Variants in MYO16 observed in about 807,000 individuals in gnomAD.
MYO16 encodes the protein myosin XVI, also known as unconventional myosin-XVI.
MYO16 carries 94 observed loss-of-function variants against 205.3 expected under a neutral mutation model. That is an observed-to-expected ratio of 0.46 (90% CI 0.39 to 0.54). The LOEUF (loss-of-function observed/expected upper bound fraction) is 0.54. Ranked by LOEUF, MYO16 falls within the 20% of genes least tolerant of loss-of-function variation. MYO16 has a pLI of 0.00. For synonymous variants in MYO16, 988 were observed against 954.0 expected (o/e 1.04, Z -0.66); for missense variants, 2,315 against 2,387.5 (o/e 0.97, Z 0.63).
intron 11 of MYO16, among the ~76,000 whole-genome samples, chr13:108,858,936 G>C (rs912876962): frequency 2.0e-5 from 3 of 152,084 alleles, no homozygotes; most frequent in African/African-American, 7.2e-5. Context: ...GCAGCACTTC[G>C]GTGCAGGGCT....
rs193211195 is a variant in MYO16 at position 108,744,671 on chromosome 13, C to A, written c.507+17088C>A. Among the ~76,000 whole-genome samples the A allele has an allele frequency of 6.2e-3, 948 of 152,282 alleles. 29 individuals are homozygous for A. Among genetic ancestry groups the A allele is most frequent in the Non-Finnish European group, 1.6e-3 (109 of 68,020 alleles). ...GAAATCAGTGACTGCATCTTCATTT[C>A]ATTGTTTATCTTACTTCATATATCT... On this transcript the variant is annotated intron_variant, in intron 4 of 34. Coordinates refer to ENST00000457511, the MANE Select transcript of MYO16 (RefSeq NM_001198950.3).
chr13:108,590,916 G>A, the MYO16 span, among the ~76,000 whole-genome samples: 1 of 152,164 alleles, frequency 6.6e-6, no homozygotes, highest in Admixed American at 6.5e-5. Flanking sequence ...GCTGTTGTAA[G>A]CCACCATGTT....
At chr13:108,613,145 G>A (rs557841636) in intron 1 of MYO16, among the ~76,000 whole-genome samples, 16 of 152,174 alleles carry the variant, frequency 1.1e-4, no homozygotes, top group African/African-American at 3.9e-4. Flanking sequence ...TCTTAAGAGG[G>A]CTAAAGTTTA....
At chr13:108,555,641 G>T in the MYO16 span, among the ~76,000 whole-genome samples, 7,105 of 152,170 alleles carry the variant, frequency 0.047, 498 homozygotes, top group African/African-American at 0.16. Context: ...AAGAATACAA[G>T]AATTTGTCAT....
chr13:108,925,472 T>C (rs1285239434), intron 16 of MYO16, among the ~76,000 whole-genome samples: 1 of 152,010 alleles, frequency 6.6e-6, no homozygotes, highest in Non-Finnish European at 1.5e-5. Context: ...GATTTATAAG[T>C]GCAAGTAATT....
At chr13:109,195,855 G>C (rs999347884) in intron 34 of MYO16, among the ~76,000 whole-genome samples, 2 of 152,098 alleles carry the variant, frequency 1.3e-5, no homozygotes, top group African/African-American at 4.8e-5. Flanking sequence ...TGATCCACAG[G>C]AATGCATATC....
intron 16 of MYO16, among the ~76,000 whole-genome samples, chr13:108,949,972 T>C (rs961380241): frequency 2.0e-5 from 3 of 148,800 alleles, no homozygotes; most frequent in African/African-American, 7.6e-5. Flanking sequence ...CAACTGGGCA[T>C]CCATAGGCAA....
chr13:108,979,641 CT>C (rs1234014648), intron 20 of MYO16, among the ~76,000 whole-genome samples: 1 of 152,014 alleles, frequency 6.6e-6, no homozygotes, highest in Non-Finnish European at 1.5e-5. Context: ...GGAGACAAAC[CT>C]GCTTTCTAAA....
the MYO16 span, among the ~76,000 whole-genome samples, chr13:108,555,748 T>C: frequency 6.6e-6 from 1 of 152,176 alleles, no homozygotes; most frequent in Admixed American, 6.5e-5. Context: ...AACTCCCTCC[T>C]CCTCCTCCCC....
intron 2 of MYO16, among the ~76,000 whole-genome samples, chr13:108,679,465 A>T (rs1230428105): frequency 6.6e-6 from 1 of 152,134 alleles, no homozygotes; most frequent in African/African-American, 2.4e-5. Flanking sequence ...CGACTTGCAC[A>T]AAGTAGGTGA....
chr13:108,694,248 A>G (rs767496071), intron 2 of MYO16, among the ~76,000 whole-genome samples: 3 of 152,172 alleles, frequency 2.0e-5, no homozygotes, highest in African/African-American at 4.8e-5. Context: ...GTGGTGTGAG[A>G]TGGCATCTCA....
intron 27 of MYO16, among the ~76,000 whole-genome samples, chr13:109,057,917 A>C (rs1006876228): frequency 6.6e-6 from 1 of 152,100 alleles, no homozygotes; most frequent in Non-Finnish European, 1.5e-5. Flanking sequence ...CGGGGGCCTC[A>C]GAGGGTGATG....
the MYO16 span, among the ~76,000 whole-genome samples, chr13:108,547,939 G>A: frequency 6.6e-6 from 1 of 152,162 alleles, no homozygotes; most frequent in African/African-American, 2.4e-5. Flanking sequence ...AAAAGACAGT[G>A]TGGTTTGTTG....
chr13:108,624,263 C>T (rs887880590), intron 1 of MYO16, among the ~76,000 whole-genome samples: 1 of 152,098 alleles, frequency 6.6e-6, no homozygotes, highest in Non-Finnish European at 1.5e-5. Flanking sequence ...GCCTGGTGTC[C>T]CAGCTGTCTT....
chr13:108,850,150 G>T (rs1331864028), intron 10 of MYO16, among the ~76,000 whole-genome samples: 1 of 150,940 alleles, frequency 6.6e-6, no homozygotes, highest in African/African-American at 2.4e-5. Context: ...ATCCATACTG[G>T]GTTATTTGCG....
At chr13:108,790,202 A>G (rs560500531) in intron 5 of MYO16, among the ~76,000 whole-genome samples, 62 of 152,350 alleles carry the variant, frequency 4.1e-4, no homozygotes, top group African/African-American at 1.5e-3. Context: ...TAGCCCTAAT[A>G]TCATCAGAGA....
chr13:108,891,875 G>T (rs1880191627), intron 14 of MYO16, among the ~76,000 whole-genome samples: 1 of 152,142 alleles, frequency 6.6e-6, no homozygotes, highest in Non-Finnish European at 1.5e-5. Context: ...GTTTGTTTCT[G>T]TGGCACCTGC....
At chr13:109,058,684 G>T (rs2139619887) in intron 27 of MYO16, among the ~76,000 whole-genome samples, 1 of 152,220 alleles carries the variant, frequency 6.6e-6, no homozygotes, top group Non-Finnish European at 1.5e-5. Context: ...GACCCATCAG[G>T]CTGATGGTTG....
intron 14 of MYO16, among the ~76,000 whole-genome samples, chr13:108,894,152 C>G (rs1880301301): frequency 6.6e-6 from 1 of 152,074 alleles, no homozygotes; most frequent in Non-Finnish European, 1.5e-5. Context: ...AACCATAGAT[C>G]TCATGCGAAT....
Sources: gnomAD v4.1 joint callset for allele counts (sites outside exome capture counted in the v4.1 genomes callset) on GRCh38, gnomAD v4.1.1 for gene constraint, MANE v1.5 for transcripts, NCBI Gene and HGNC (gene_info 2026-07-23, HGNC 2026-07-21) for gene names.